PHKA2: variants seen among roughly 807,000 people sequenced by gnomAD.
The protein encoded by PHKA2 is phosphorylase b kinase regulatory subunit alpha, liver isoform.
Under a neutral mutation model 102.0 loss-of-function variants are expected in PHKA2, and 31 were observed. The observed-to-expected ratio is 0.30, with a 90% confidence interval of 0.23 to 0.41. The LOEUF (loss-of-function observed/expected upper bound fraction) is 0.41, where lower values mean the gene tolerates loss of function less well. PHKA2 is among the 10% of genes least tolerant of loss of function. The probability of loss-of-function intolerance (pLI) is 1.00; values close to 1 mark genes in which losing one functional copy is unlikely to be tolerated. For synonymous variants in PHKA2, 455 were observed against 416.2 expected, an observed-to-expected ratio of 1.09 and a Z score of -1.13; for missense variants, 858 against 1,023.1, an observed-to-expected ratio of 0.84 and a Z score of 2.20.
chrX:18,939,032 G>C (rs560293847), intron 9 of PHKA2, among the ~76,000 whole-genome samples: 4 of 112,378 alleles, frequency 3.6e-5, no homozygotes, highest in African/African-American at 1.3e-4. Flanking sequence ...GTTTGGCAGA[G>C]GATCTGATTT....
chrX:18,956,570 C>T (rs2048778332), intron 1 of PHKA2, among the ~76,000 whole-genome samples: 1 of 112,163 alleles, frequency 8.9e-6, no homozygotes, highest in Admixed American at 9.4e-5. Flanking sequence ...CTATCTTACT[C>T]TTTAGACACG....
chrX:18,901,667 C>G, intron 26 of PHKA2, 64 bp from the exon 27 acceptor site: 1 of 735,676 alleles, frequency 1.4e-6, no homozygotes, highest in South Asian at 2.1e-5. Context: ...GAGGCAGGAT[C>G]TGCCCCTGTC....
chrX:18,893,349 C>T lies in PHKA2; in HGVS notation c.*136G>A. On this transcript the variant is annotated 3_prime_UTR_variant, in exon 33 of 33. Coordinates refer to ENST00000379942, the MANE Select transcript of PHKA2 (RefSeq NM_000292.3). Reference sequence around the variant, plus strand: ...TACATCAGTTTCAGGGTGAGTGCTACCATTGCCCCCCGAGAGTGTTTCTGA... The same window carrying T: ...TACATCAGTTTCAGGGTGAGTGCTATCATTGCCCCCCGAGAGTGTTTCTGA... 1 of 628,494 alleles carries T rather than the reference C, an allele frequency of 1.6e-6. No homozygotes were observed. Among genetic ancestry groups the T allele is most frequent in the Non-Finnish European group, 2.6e-6 (1 of 379,379 alleles). 51.8% of individuals were successfully genotyped at this position (628,494 alleles called of 1,213,427 possible).
intron 1 of PHKA2, among the ~76,000 whole-genome samples, chrX:18,980,381 T>C: frequency 8.9e-6 from 1 of 112,680 alleles, no homozygotes; most frequent in African/African-American, 3.2e-5. Context: ...TGTCTCTGTA[T>C]AAAACCCGAT....
intron 31 of PHKA2, 61 bp downstream of exon 31, chrX:18,895,077 G>T: frequency 1.9e-6 from 2 of 1,036,915 alleles, no homozygotes; most frequent in Non-Finnish European, 2.7e-6. Flanking sequence ...CAGAGTCCAT[G>T]CAATGAAGCC....
intron 4 of PHKA2, among the ~76,000 whole-genome samples, chrX:18,949,229 G>A (rs1434158698): frequency 9.0e-6 from 1 of 111,729 alleles, no homozygotes; most frequent in Non-Finnish European, 1.9e-5. Context: ...ACTTTTCCCA[G>A]TGGGAGACAG....
chrX:18,904,658 T>C, intron 26 of PHKA2, among the ~76,000 whole-genome samples: 1 of 112,251 alleles, frequency 8.9e-6, no homozygotes, highest in Non-Finnish European at 1.9e-5. Flanking sequence ...GCACCCCTCC[T>C]TCGGGAAAGG....
chrX:18,973,059 G>A (rs2049037388), intron 1 of PHKA2, among the ~76,000 whole-genome samples: 1 of 111,144 alleles, frequency 9.0e-6, no homozygotes, highest in Non-Finnish European at 1.9e-5. Context: ...CTGGAGTGCA[G>A]TAGCATGATC....
intron 32 of PHKA2, 80 bp downstream of exon 32, chrX:18,894,122 GTA>G: frequency 1.1e-6 from 1 of 907,069 alleles, no homozygotes; most frequent in Non-Finnish European, 1.6e-6. Flanking sequence ...CTTGGTTCGA[GTA>G]TATTCTTTCC....
At chrX:18,941,712 T>C in intron 7 of PHKA2, 37 bp from the exon 8 acceptor site, 1 of 1,030,539 alleles carries the variant, frequency 9.7e-7, no homozygotes, top group Non-Finnish European at 1.4e-6. Flanking sequence ...AACCTGGAGA[T>C]GCGCTAATAG....
Position 18,906,812 on chromosome X carries a change from G to A in PHKA2, c.2600C>T (p.Pro867Leu). The A allele has an allele frequency of 8.3e-7, 1 of 1,204,716 alleles. No individual in the cohort carries two copies. The highest frequency in any genetic ancestry group is 1.1e-6 in the Non-Finnish European group (1 of 888,839). Residue 867 changes from proline to leucine, a missense_variant and splice_region_variant, in exon 24 of 33, where the codon CCC becomes CTC. Physicochemically the swap from Pro to Leu is moderately conservative, Grantham distance 98 (BLOSUM62 -3). Coordinates refer to ENST00000379942, the MANE Select transcript of PHKA2 (RefSeq NM_000292.3). ...PEPREKIISA[P>L]LPPEELTKLI... ...TTTTGTGAGCTCCTCTGGGGGAAGG[G>A]GCCTAGAAAGGAGCATTGTGTCACG...
At position 18,894,752 on chromosome X, in the gene PHKA2, A is replaced by G. The variant is rs186498031; in HGVS notation, c.3337-348T>C. ...GTGGGGTAAAACTAAAAAAAAATCC[A>G]TGTTAAAAAGAATGACAAATCACCT... On this transcript the variant is annotated intron_variant, in intron 31 of 32. Transcript: ENST00000379942. 1,069 of 377,966 alleles carry G rather than the reference A, an allele frequency of 2.8e-3. 8 individuals carry two copies. Among genetic ancestry groups the G allele is most frequent in the African/African-American group, 0.022 (888 of 39,590 alleles). 31.1% of individuals were successfully genotyped at this position (377,966 alleles called of 1,213,427 possible). A position where few individuals can be genotyped will look rare whatever the true frequency, so the allele number is the denominator to read the frequency against.
intron 3 of PHKA2, among the ~76,000 whole-genome samples, chrX:18,952,183 T>TA (rs1487005775): frequency 3.2e-5 from 1 of 31,030 alleles, no homozygotes; most frequent in Non-Finnish European, 5.4e-5. Flanking sequence ...ATATTGTATC[T>TA]ACAAAAAAAA....
intron 17 of PHKA2, among the ~76,000 whole-genome samples, chrX:18,923,330 G>A (rs112169935): frequency 4.8e-3 from 530 of 111,370 alleles, no homozygotes; most frequent in African/African-American, 0.016. Flanking sequence ...GTGAGCCACC[G>A]TGCCTGGTCC....
At chrX:18,905,227 G>A (rs972144667) in intron 26 of PHKA2, among the ~76,000 whole-genome samples, 9 of 112,365 alleles carry the variant, frequency 8.0e-5, no homozygotes, top group Non-Finnish European at 1.5e-4. Context: ...AGGCTGGAGC[G>A]CAGTGGCGCG....
Position 18,893,561 on chromosome X carries a change from G to A in PHKA2, c.3632C>T (p.Thr1211Met), listed in dbSNP as rs1204093166. The change falls in exon 33 of 33, where the codon ACG (threonine) becomes ATG (methionine). Residue 1211 changes from threonine to methionine, a missense_variant. By Grantham distance (81) the Thr-to-Met change is moderately conservative (BLOSUM62 -1). Around this residue, in one of 2 missense-constraint regions of PHKA2, gnomAD observed 671 missense variants for 745.2 expected, o/e 0.90. Coordinates refer to ENST00000379942, the MANE Select transcript of PHKA2 (RefSeq NM_000292.3). ...YDSAPSGAYG[T>M]MTYLTRAVAS... ...CACTGCTCTTGTTAGGTAGGTCATC[G>A]TCCCATAAGCCCCACTCGGAGCGCT... The A allele has an allele frequency of 1.7e-6, 2 of 1,211,167 alleles. No homozygotes were observed. The highest frequency in any genetic ancestry group is 1.1e-6 in the Non-Finnish European group (1 of 894,782).
chrX:18,968,307 T>C (rs1027025329), intron 1 of PHKA2, among the ~76,000 whole-genome samples: 1 of 112,478 alleles, frequency 8.9e-6, no homozygotes, highest in African/African-American at 3.2e-5. Flanking sequence ...AAAAAATCTC[T>C]TTAATGTCCG....
At chrX:18,981,565 T>C (rs2049171310) in intron 1 of PHKA2, among the ~76,000 whole-genome samples, 1 of 111,318 alleles carries the variant, frequency 9.0e-6, no homozygotes, top group South Asian at 3.8e-4. Context: ...GTACCTTTCA[T>C]GCCTTTGGCC....
intron 19 of PHKA2, among the ~76,000 whole-genome samples, chrX:18,914,286 T>A (rs187511144): frequency 7.7e-4 from 86 of 111,859 alleles, no homozygotes; most frequent in East Asian, 2.5e-3. Context: ...CTGTATATAT[T>A]TTTTTTTAAA....
Sources: gnomAD v4.1 joint callset for allele counts (sites outside exome capture counted in the v4.1 genomes callset) on GRCh38, gnomAD v4.1.1 for gene constraint, gnomAD v4.1.1 regional missense constraint, MANE v1.5 for transcripts, NCBI Gene and HGNC (gene_info 2026-07-23, HGNC 2026-07-21) for gene names.